Variants in KLHL3 observed in about 807,000 individuals in gnomAD.
KLHL3 encodes kelch-like protein 3.
A neutral mutation model predicts 70.5 loss-of-function variants in KLHL3; 19 were observed. The observed-to-expected ratio is 0.27, with a 90% CI of 0.19 to 0.40. The LOEUF (loss-of-function observed/expected upper bound fraction) is 0.40. KLHL3 is among the 10% of genes least tolerant of loss of function. The pLI, the probability that KLHL3 is intolerant of heterozygous loss-of-function variation, is 1.00. For missense variants in KLHL3, 512 were observed against 771.1 expected (o/e 0.66, Z 3.98); for synonymous variants, 258 against 290.3 (o/e 0.89, Z 1.13).
At chr5:137,660,534 C>T (rs1296744386) in intron 7 of KLHL3, among the ~76,000 whole-genome samples, 2 of 152,192 alleles carry the variant, frequency 1.3e-5, no homozygotes, top group East Asian at 3.9e-4. Flanking sequence ...AGTGGTATCA[C>T]CCAAAGTAGC....
chr5:137,666,344 GT>G (rs1301948955), intron 6 of KLHL3, among the ~76,000 whole-genome samples: 1 of 152,158 alleles, frequency 6.6e-6, no homozygotes, highest in African/African-American at 2.4e-5. Context: ...TGCCTTGTAT[GT>G]GGTTGGTTAG....
At position 137,677,643 on chromosome 5, in the gene KLHL3, G is replaced by C. The variant is rs1266528351; in HGVS notation, c.538C>G (p.Pro180Ala). ...AATTCTTCTCCTAGCATCACCTCTG[G>C]AAAGTGCTGCTCTGTTCCAAAAAAA... Reference protein sequence around the residue: ...QANAYAEQHFPEVMLGEEFLS... With the variant: ...QANAYAEQHFAEVMLGEEFLS... The change falls in exon 6 of 15, where the codon CCA becomes GCA. Residue 180 changes from proline to alanine, a missense_variant. Pro to Ala is a conservative substitution (Grantham distance 27, BLOSUM62 -1). Coordinates refer to ENST00000309755, the MANE Select transcript of KLHL3 (RefSeq NM_017415.3). The C allele has an allele frequency of 6.3e-7, 1 of 1,587,786 alleles. No homozygotes were observed. The highest frequency in any genetic ancestry group is 8.6e-7 in the Non-Finnish European group (1 of 1,164,448).
intron 8 of KLHL3, 46 bp from the exon 9 acceptor site, chr5:137,640,023 G>C: frequency 6.7e-7 from 1 of 1,502,610 alleles, no homozygotes; most frequent in Non-Finnish European, 9.3e-7. Flanking sequence ...CCAAAATCTG[G>C]ATTTATGGTA....
intron 14 of KLHL3, 133 bp downstream of exon 14, chr5:137,625,620 G>T: frequency 1.1e-6 from 1 of 880,718 alleles, no homozygotes; most frequent in Non-Finnish European, 1.8e-6. Flanking sequence ...ACAATTACCT[G>T]TCATCCCTGG....
intron 1 of KLHL3, among the ~76,000 whole-genome samples, chr5:137,732,530 T>A (rs559749987): frequency 1.3e-5 from 2 of 151,542 alleles, no homozygotes; most frequent in African/African-American, 4.9e-5. Context: ...CCAAGCCCTA[T>A]GGGGTAACTT....
chr5:137,688,538 T>C (rs1310820089), intron 5 of KLHL3, among the ~76,000 whole-genome samples: 1 of 152,214 alleles, frequency 6.6e-6, no homozygotes, highest in Non-Finnish European at 1.5e-5. Flanking sequence ...TTGCACAGGC[T>C]TCCAGGAACA....
At chr5:137,635,153 T>C (rs185000807) in intron 11 of KLHL3, among the ~76,000 whole-genome samples, 6 of 152,306 alleles carry the variant, frequency 3.9e-5, no homozygotes, top group Admixed American at 3.9e-4. Context: ...TATTTTAAGT[T>C]AGAAAGATTC....
intron 3 of KLHL3, 97 bp downstream of exon 3, chr5:137,709,653 T>G (rs1280847776): frequency 2.0e-5 from 19 of 932,352 alleles, no homozygotes; most frequent in African/African-American, 3.2e-5. Context: ...GCTAATGGCT[T>G]TCTCTTTCCT....
At chr5:137,682,407 G>GAT (rs1554093859) in intron 5 of KLHL3, among the ~76,000 whole-genome samples, 8 of 30,842 alleles carry the variant, frequency 2.6e-4, no homozygotes, top group Admixed American at 2.5e-3. Context: ...TGGACATAGA[G>GAT]AGAGAGAGAG....
rs963431586 is a variant in KLHL3, at chr5:137,692,504, C to T, written c.364-57G>A. The T allele has an allele frequency of 3.2e-6, 5 of 1,543,596 alleles. No individual in the cohort carries two copies. The African/African-American group carries it at 6.8e-5, about 21-fold the overall frequency. On this transcript the variant is annotated intron_variant, in intron 4 of 14. Transcript: ENST00000309755. The stretch of plus-strand genomic sequence containing the variant: ...GATCCCACTGGCAGAGACTCATCTG[C>T]CTTTTCCTATCATATCACTCCCATG...
At chr5:137,712,274 G>C (rs1752808608) in intron 2 of KLHL3, among the ~76,000 whole-genome samples, 1 of 151,850 alleles carries the variant, frequency 6.6e-6, no homozygotes, top group African/African-American at 2.4e-5. Flanking sequence ...GCTAGGAGCT[G>C]AACAAACAAA....
intron 8 of KLHL3, among the ~76,000 whole-genome samples, chr5:137,647,874 C>A (rs1751096355): frequency 6.6e-6 from 1 of 152,200 alleles, no homozygotes; most frequent in South Asian, 2.1e-4. Flanking sequence ...AGTATCAGCC[C>A]AGTCACTATA....
chr5:137,684,070 G>A lies in KLHL3; in HGVS notation c.527-6416C>T, dbSNP rs541215772. Among the ~76,000 whole-genome samples, 12 of 152,282 alleles carry A rather than the reference G, an allele frequency of 7.9e-5. No individual in the cohort carries two copies. In the South Asian group the frequency reaches 1.0e-3, roughly 13 times the overall value. On this transcript the variant is annotated intron_variant, in intron 5 of 14. Transcript: ENST00000309755. ...TCTGGGTGGGTGGGAAATAAGTAGCGGGGCTTAGGACACAGACCTCTGCAG... is the reference window on the plus strand; with the variant it reads ...TCTGGGTGGGTGGGAAATAAGTAGCAGGGCTTAGGACACAGACCTCTGCAG...
At chr5:137,664,934 C>G (rs915038274) in intron 6 of KLHL3, among the ~76,000 whole-genome samples, 1 of 152,152 alleles carries the variant, frequency 6.6e-6, no homozygotes, top group African/African-American at 2.4e-5. Context: ...ATAGAGAGAT[C>G]TGATAGACAA....
intron 6 of KLHL3, 139 bp from the exon 7 acceptor site, chr5:137,662,170 T>A: frequency 1.7e-6 from 1 of 592,422 alleles, no homozygotes; most frequent in Middle Eastern, 4.4e-4. Flanking sequence ...AATCTGAGAC[T>A]CATATTTAAA....
intron 3 of KLHL3, among the ~76,000 whole-genome samples, chr5:137,699,543 T>C (rs547992517): frequency 5.3e-5 from 8 of 152,110 alleles, no homozygotes; most frequent in Non-Finnish European, 8.8e-5. Context: ...GCCCTGATAA[T>C]AATCCAAAAA....
intron 5 of KLHL3, among the ~76,000 whole-genome samples, chr5:137,686,641 T>TCTGTCTCA (rs1752172220): frequency 6.6e-6 from 1 of 152,016 alleles, no homozygotes; most frequent in African/African-American, 2.4e-5. Context: ...GCACTTACAG[T>TCTGTCTCA]AGAGTGAGGT....
At chr5:137,671,563 T>C (rs1251247530) in intron 6 of KLHL3, among the ~76,000 whole-genome samples, 1 of 152,182 alleles carries the variant, frequency 6.6e-6, no homozygotes, top group Non-Finnish European at 1.5e-5. Flanking sequence ...ATCATGGAGC[T>C]ATCTACGGTT....
At chr5:137,647,090 T>C (rs577406537) in intron 8 of KLHL3, among the ~76,000 whole-genome samples, 5 of 152,274 alleles carry the variant, frequency 3.3e-5, no homozygotes, top group African/African-American at 1.2e-4. Context: ...GGTTATTAGA[T>C]ACCTCCCAAG....
Sources: gnomAD v4.1 joint callset for allele counts (sites outside exome capture counted in the v4.1 genomes callset) on GRCh38, gnomAD v4.1.1 for gene constraint, MANE v1.5 for transcripts, NCBI Gene and HGNC (gene_info 2026-07-23, HGNC 2026-07-21) for gene names.